KIF26B: variants seen among roughly 807,000 people sequenced by gnomAD.
KIF26B encodes the protein kinesin family member 26B.
Under a neutral mutation model 151.2 loss-of-function variants are expected in KIF26B, and 63 were observed. The ratio of observed to expected loss-of-function variants is 0.42; its 90% CI spans 0.34 to 0.51. The LOEUF is 0.51. Among genes scored for constraint, KIF26B ranks in the 20% least tolerant of loss-of-function variants. The pLI is 0.07. For synonymous variants in KIF26B, 1,357 were observed against 1,262.1 expected (o/e 1.08, Z -1.59); for missense variants, 2,813 against 2,913.6 (o/e 0.97, Z 0.79).
At chr1:245,198,019 G>A (rs1315699945) in intron 2 of KIF26B, among the ~76,000 whole-genome samples, 3 of 152,168 alleles carry the variant, frequency 2.0e-5, no homozygotes, top group Non-Finnish European at 2.9e-5. Flanking sequence ...GCTAAGGAAT[G>A]AGATCCTGTC....
At chr1:245,380,390 C>T (rs1036602891) in intron 3 of KIF26B, among the ~76,000 whole-genome samples, 1 of 152,196 alleles carries the variant, frequency 6.6e-6, no homozygotes, top group Non-Finnish European at 1.5e-5. Context: ...AATTAGATGA[C>T]TCATCTGAGC....
Position 245,611,875 on chromosome 1 carries a change from G to A in KIF26B, c.1997G>A (p.Ser666Asn). The part of the protein sequence containing the change: ...FLDAAIASRR[S>N]HQQDCDEDDH... ...GATGCCGCCATTGCCTCCCGCAGGA[G>A]CCACCAACAGGACTGTGATGAGGAC... Residue 666 changes from serine to asparagine, a missense_variant, in exon 9 of 15, where the codon AGC (serine) becomes AAC (asparagine). Ser to Asn is a conservative substitution (Grantham distance 46, BLOSUM62 1). Transcript: ENST00000407071. 1 of 1,613,842 alleles carries A rather than the reference G, an allele frequency of 6.2e-7. No homozygotes were observed. Among genetic ancestry groups the A allele is most frequent in the Non-Finnish European group, 8.5e-7 (1 of 1,179,878 alleles).
rs1477342940 is a variant in KIF26B at position 245,698,146 on chromosome 1, C to G, written c.5865C>G (p.Asp1955Glu). ...RRRLIPALSL[D>E]TSSPVRKPPN... ...GGCTTATCCCAGCACTATCCCTGGA[C>G]ACCTCTTCCCCTGTGAGAAAACCCC... The change falls in exon 13 of 15, where the codon GAC becomes GAG. Residue 1955 changes from aspartate to glutamate, a missense_variant. Coordinates refer to ENST00000407071, the MANE Select transcript of KIF26B (RefSeq NM_018012.4). The surrounding 1 kb of genome is among the most constrained non-coding windows in gnomAD (Gnocchi z 4.0). 3 of 1,613,934 alleles carry G rather than the reference C, an allele frequency of 1.9e-6. No individual in the cohort carries two copies. The South Asian group carries it at 3.3e-5, about 18-fold the overall frequency.
intron 5 of KIF26B, among the ~76,000 whole-genome samples, chr1:245,574,853 CTTT>C: frequency 7.2e-6 from 1 of 139,030 alleles, no homozygotes; most frequent in Non-Finnish European, 1.6e-5. Flanking sequence ...ATATCTTTTT[CTTT>C]TTTTTTTCTT....
intron 10 of KIF26B, among the ~76,000 whole-genome samples, chr1:245,657,637 TAGAGATGACTGA>T (rs544826473): frequency 6.6e-6 from 1 of 152,200 alleles, no homozygotes; most frequent in South Asian, 2.1e-4. Flanking sequence ...AGAAACTACA[TAGAGATGACTGA>T]ACACCCCACC....
At chr1:245,253,634 C>G (rs1670481576) in intron 2 of KIF26B, among the ~76,000 whole-genome samples, 1 of 151,908 alleles carries the variant, frequency 6.6e-6, no homozygotes, top group Non-Finnish European at 1.5e-5. Flanking sequence ...GGATTTGTCT[C>G]TAAAGGCATT....
intron 3 of KIF26B, among the ~76,000 whole-genome samples, chr1:245,401,023 C>T (rs1452109030): frequency 6.6e-6 from 1 of 152,124 alleles, no homozygotes; most frequent in Non-Finnish European, 1.5e-5. Flanking sequence ...ATTAAAGCTT[C>T]TTTAATTAAA....
chr1:245,450,888 T>C (rs1035024034), intron 4 of KIF26B, among the ~76,000 whole-genome samples: 1 of 152,042 alleles, frequency 6.6e-6, no homozygotes, highest in African/African-American at 2.4e-5. Flanking sequence ...TTTTAAGATA[T>C]TTTAAGATGA....
intron 10 of KIF26B, among the ~76,000 whole-genome samples, chr1:245,657,239 CT>C (rs1337891198): frequency 1.3e-5 from 2 of 152,174 alleles, no homozygotes; most frequent in African/African-American, 4.8e-5. Flanking sequence ...TCAAATGTGT[CT>C]GTCTTTAAAA....
At chr1:245,206,817 T>G (rs1309530722) in intron 2 of KIF26B, 1 of 152,246 alleles carries the variant, frequency 6.6e-6, no homozygotes, top group Non-Finnish European at 1.5e-5. Context: ...ATATCTTAAG[T>G]TAGTTTATAA....
intron 5 of KIF26B, among the ~76,000 whole-genome samples, chr1:245,595,369 T>A (rs1008927343): frequency 6.6e-6 from 1 of 152,246 alleles, no homozygotes; most frequent in Non-Finnish European, 1.5e-5. Flanking sequence ...GTTTTTAGCA[T>A]GAAGGGGTGT....
At chr1:245,613,489 T>C (rs1195354127) in intron 9 of KIF26B, among the ~76,000 whole-genome samples, 1 of 152,108 alleles carries the variant, frequency 6.6e-6, no homozygotes, top group Non-Finnish European at 1.5e-5. Context: ...TCCCAGCTAG[T>C]TGGGGGTCTG....
At chr1:245,656,383 C>T (rs1203537126) in intron 10 of KIF26B, among the ~76,000 whole-genome samples, 1 of 152,236 alleles carries the variant, frequency 6.6e-6, no homozygotes, top group Non-Finnish European at 1.5e-5. Context: ...CACACCTGTT[C>T]TGTCATTCCC....
At chr1:245,432,354 T>C (rs1195844222) in intron 4 of KIF26B, among the ~76,000 whole-genome samples, 3 of 152,150 alleles carry the variant, frequency 2.0e-5, no homozygotes, top group African/African-American at 7.2e-5. Flanking sequence ...AAAAGCAGTG[T>C]TGGGAAATTG....
At chr1:245,507,350 A>G (rs1382762923) in intron 4 of KIF26B, among the ~76,000 whole-genome samples, 2 of 152,212 alleles carry the variant, frequency 1.3e-5, no homozygotes, top group African/African-American at 4.8e-5. Flanking sequence ...GATTGTACCA[A>G]GGAAAAAGTC....
chr1:245,652,442 T>C (rs750714369), intron 10 of KIF26B, among the ~76,000 whole-genome samples: 2 of 152,220 alleles, frequency 1.3e-5, no homozygotes, highest in Non-Finnish European at 2.9e-5. Flanking sequence ...GTCCCTTTTC[T>C]ATGAGATTTT....
intron 3 of KIF26B, among the ~76,000 whole-genome samples, chr1:245,410,782 C>T (rs1421317750): frequency 1.3e-5 from 2 of 152,006 alleles, no homozygotes; most frequent in African/African-American, 2.4e-5. Context: ...CTAAAATTTA[C>T]CATCTTCACC....
At chr1:245,330,768 T>G (rs1030424406) in intron 2 of KIF26B, among the ~76,000 whole-genome samples, 42 of 12,722 alleles carry the variant, frequency 3.3e-3, no homozygotes, top group African/African-American at 7.9e-3. Flanking sequence ...GAGGGAGTGG[T>G]GGAGGGATTG....
intron 2 of KIF26B, among the ~76,000 whole-genome samples, chr1:245,176,085 T>C (rs1417783687): frequency 6.6e-6 from 1 of 151,980 alleles, no homozygotes; most frequent in Non-Finnish European, 1.5e-5. Context: ...CTGCAACCTC[T>C]GCCTCCCGGG....
Sources: allele counts gnomAD v4.1 joint callset (sites outside exome capture counted in the v4.1 genomes callset), GRCh38; gene constraint gnomAD v4.1.1; non-coding constraint Gnocchi (gnomAD v3.1); transcripts MANE v1.5; gene names NCBI Gene and HGNC (gene_info 2026-07-23, HGNC 2026-07-21).